ACTC1: variants seen among roughly 807,000 people sequenced by gnomAD.
The protein encoded by ACTC1 is actin alpha cardiac muscle 1.
Under a neutral mutation model 31.6 loss-of-function variants are expected in ACTC1, and 10 were observed. That is an observed-to-expected ratio of 0.32 (90% CI 0.19 to 0.54). The LOEUF (loss-of-function observed/expected upper bound fraction) is 0.54, where lower values mean the gene tolerates loss of function less well. ACTC1 is among the 20% of genes least tolerant of loss of function. The probability of loss-of-function intolerance (pLI) is 0.95; values close to 1 mark genes in which losing one functional copy is unlikely to be tolerated. For missense variants in ACTC1, 129 were observed against 506.4 expected, an observed-to-expected ratio of 0.25 and a Z score of 7.15; for synonymous variants, 196 against 185.0, an observed-to-expected ratio of 1.06 and a Z score of -0.48.
chr15:34,792,861 T>C lies in ACTC1; in HGVS notation c.455-292A>G, dbSNP rs554945478. The C allele has an allele frequency of 1.9e-6, 1 of 516,218 alleles. No individual in the cohort carries two copies. The highest frequency in any genetic ancestry group is 2.1e-5 in the South Asian group (1 of 47,840). The allele number at this position is 516,218 out of a possible 1,614,324, so 32.0% of individuals were successfully genotyped here. ...AGCACATTATGTAAGCACCCAAGGGTGTTTTTCTTTGCTCCTATTGAACTT... is the reference window on the plus strand; with the variant it reads ...AGCACATTATGTAAGCACCCAAGGGCGTTTTTCTTTGCTCCTATTGAACTT... On this transcript the variant is annotated intron_variant, in intron 3 of 6. Transcript: ENST00000290378. This position sits in a 1 kb window ranked among gnomAD's most constrained non-coding sequence, Gnocchi z 5.3.
In ACTC1 at chr15:34,792,569, C is replaced by T. The variant is rs1891726522; in HGVS notation, c.455G>A (p.Gly152Asp). 1 of 1,614,124 alleles carries T rather than the reference C, an allele frequency of 6.2e-7. No homozygotes were observed. Among genetic ancestry groups the T allele is most frequent in the Non-Finnish European group, 8.5e-7 (1 of 1,180,022 alleles). Reference protein sequence around the residue: ...LSLYASGRTTGIVLDSGDGVT... With the variant: ...LSLYASGRTTDIVLDSGDGVT... ...ACCATCCCCAGAGTCCAGAACAATG[C>T]CTGCCCGGGGAAGTAGACAAGAACA... Residue 152 changes from glycine (G) to aspartate (D), a missense_variant and splice_region_variant, in exon 4 of 7, where the codon GGC (glycine) becomes GAC (aspartate). By Grantham distance (94) the Gly-to-Asp change is moderately conservative. Transcript: ENST00000290378. The surrounding 1 kb of genome is among the most constrained non-coding windows in gnomAD (Gnocchi z 5.3).
At chr15:34,794,073 G>A (rs778740260) in intron 2 of ACTC1, among the ~76,000 whole-genome samples, 2 of 152,218 alleles carry the variant, frequency 1.3e-5, no homozygotes, top group Non-Finnish European at 2.9e-5. Context: ...CAGCTCTGAG[G>A]ACTAAGCTCT....
intron 6 of ACTC1, 45 bp from the exon 7 acceptor site, chr15:34,790,600 A>C (rs1025515083): frequency 1.2e-6 from 2 of 1,610,438 alleles, no homozygotes; most frequent in Non-Finnish European, 1.7e-6. Flanking sequence ...TGAAGTTCCA[A>C]GCAAGGGAGC....
At position 34,793,474 on chromosome 15, in the gene ACTC1, A is replaced by G. The variant is rs1441829438; in HGVS notation, c.225T>C (p.His75=). ...GILTLKYPIE[H]GIITNWDDME... ...TGTCGTCCCAGTTGGTGATGATACC[A>G]TGCTCGATGGGATACTTCAGGGTCA... Residue 75 remains histidine, a synonymous_variant, in exon 3 of 7, where the codon CAT becomes CAC. Transcript: ENST00000290378. This position sits in a 1 kb window ranked among gnomAD's most constrained non-coding sequence, Gnocchi z 4.8. 6.2e-7 allele frequency: 1 copy of G among 1,614,106 alleles called. No individual in the cohort carries two copies. The highest frequency in any genetic ancestry group is 8.5e-7 in the Non-Finnish European group (1 of 1,180,022).
rs138752414 is a variant in ACTC1, at chr15:34,793,012, G to A, written c.454+233C>T. The stretch of plus-strand genomic sequence containing the variant: ...GCTGCACTCCAAGCTGCTACACTGC[G>A]CTGAGCTTTAAATGAGGGAAGGACC... On this transcript the variant is annotated intron_variant, in intron 3 of 6. Transcript: ENST00000290378. This position sits in a 1 kb window ranked among gnomAD's most constrained non-coding sequence, Gnocchi z 4.8. Among the ~76,000 whole-genome samples, 112 of 152,234 alleles carry A rather than the reference G, an allele frequency of 7.4e-4. No homozygotes were observed. The highest frequency in any genetic ancestry group is 1.2e-3 in the Non-Finnish European group (85 of 68,022).
At chr15:34,794,611 A>AG in intron 2 of ACTC1, 69 bp downstream of exon 2, 1 of 1,557,622 alleles carries the variant, frequency 6.4e-7, no homozygotes, top group Non-Finnish European at 8.7e-7. Context: ...GGGTCAGGTG[A>AG]GAGCCATTTC....
chr15:34,795,015 G>T (rs559798665), intron 1 of ACTC1, among the ~76,000 whole-genome samples, 185 bp from the exon 2 acceptor site: 1 of 152,326 alleles, frequency 6.6e-6, no homozygotes, highest in Non-Finnish European at 1.5e-5. Context: ...CCGCGGAGGA[G>T]ACTGGGGACA....
In ACTC1 at chr15:34,793,985, C is replaced by T. The variant is rs1049029252; in HGVS notation, c.130-416G>A. On this transcript the variant is annotated intron_variant, in intron 2 of 6. Coordinates refer to ENST00000290378, the MANE Select transcript of ACTC1 (RefSeq NM_005159.5). The surrounding 1 kb of genome is among the most constrained non-coding windows in gnomAD (Gnocchi z 4.8). ...AAAGATTTTGACATTCAAGTGAACA[C>T]ATAATGATGGGCTGATATGCCATCC... Among the ~76,000 whole-genome samples, 1 of 152,210 alleles carries T rather than the reference C, an allele frequency of 6.6e-6. No homozygotes were observed. The highest frequency in any genetic ancestry group is 2.1e-4 in the South Asian group (1 of 4,832).
intron 2 of ACTC1, 102 bp downstream of exon 2, chr15:34,794,578 C>T (rs1233459967): frequency 1.4e-6 from 2 of 1,448,354 alleles, no homozygotes; most frequent in African/African-American, 1.4e-5. Flanking sequence ...CTTAATTTGG[C>T]CTAAAGAGTT....
Position 34,792,564 on chromosome 15 carries a change from C to T in ACTC1, c.460G>A (p.Val154Ile). The T allele has an allele frequency of 6.2e-7, 1 of 1,614,138 alleles. No homozygotes were observed. Among genetic ancestry groups the T allele is most frequent in the Non-Finnish European group, 8.5e-7 (1 of 1,180,010 alleles). Residue 154 changes from valine to isoleucine, a missense_variant, in exon 4 of 7, where the codon GTT becomes ATT. This residue lies in a region of ACTC1 where 37 missense variants were observed against 228.6 expected (regional missense o/e 0.16). Transcript: ENST00000290378. This position sits in a 1 kb window ranked among gnomAD's most constrained non-coding sequence, Gnocchi z 5.3. ...GTTACACCATCCCCAGAGTCCAGAA[C>T]AATGCCTGCCCGGGGAAGTAGACAA... ...LYASGRTTGI[V>I]LDSGDGVTHN...
At position 34,791,192 on chromosome 15, in the gene ACTC1, G is replaced by A; in HGVS notation, c.912C>T (p.Gly304=). 1.9e-6 allele frequency: 3 copies of A among 1,614,046 alleles called. No individual in the cohort carries two copies. In the African/African-American group the frequency reaches 4.0e-5, roughly 22 times the overall value. Residue 304 remains glycine (G), a synonymous_variant, in exon 6 of 7, where the codon GGC becomes GGT. Coordinates refer to ENST00000290378, the MANE Select transcript of ACTC1 (RefSeq NM_005159.5). The stretch of plus-strand genomic sequence containing the variant: ...CAGCAATACCAGGGTACATAGTGGT[G>A]CCTCCAGATAAGACATTGTTGGCAT... ...DLYANNVLSG[G]TTMYPGIADR... is the part of the protein sequence containing the mutation.
chr15:34,793,470 T>C lies in ACTC1; in HGVS notation c.229A>G (p.Ile77Val), dbSNP rs397517056. The C allele has an allele frequency of 2.5e-6, 4 of 1,614,178 alleles. No homozygotes were observed. Among genetic ancestry groups the C allele is most frequent in the Non-Finnish European group, 2.5e-6 (3 of 1,180,024 alleles). The change falls in exon 3 of 7, where the codon ATC becomes GTC. Residue 77 changes from isoleucine to valine, a missense_variant. Transcript: ENST00000290378. The surrounding 1 kb of genome is among the most constrained non-coding windows in gnomAD (Gnocchi z 4.8). ...LTLKYPIEHG[I>V]ITNWDDMEKI... ...TCCATGTCGTCCCAGTTGGTGATGA[T>C]ACCATGCTCGATGGGATACTTCAGG...
In ACTC1 at chr15:34,790,487, G is replaced by A. The variant is rs1891681841; in HGVS notation, c.1059C>T (p.Thr353=). ...GCTTGCTAATCCACATTTGCTGGAA[G>A]GTGGACAGAGAGGCCAGGATGGAGC... The part of the protein sequence containing the change: ...IGGSILASLS[T]FQQMWISKQE... The change falls in exon 7 of 7, where the codon ACC becomes ACT. Residue 353 remains threonine, a synonymous_variant. Transcript: ENST00000290378. 1 of 1,614,150 alleles carries A rather than the reference G, an allele frequency of 6.2e-7. No individual in the cohort carries two copies. Among genetic ancestry groups the A allele is most frequent in the Non-Finnish European group, 8.5e-7 (1 of 1,180,004 alleles).
Position 34,793,234 on chromosome 15 carries a change from G to A in ACTC1, c.454+11C>T, listed in dbSNP as rs1875627892. The A allele has an allele frequency of 6.2e-7, 1 of 1,613,594 alleles. No individual in the cohort carries two copies. The highest frequency in any genetic ancestry group is 8.5e-7 in the Non-Finnish European group (1 of 1,179,660). On this transcript the variant is annotated intron_variant, in intron 3 of 6. Coordinates refer to ENST00000290378, the MANE Select transcript of ACTC1 (RefSeq NM_005159.5). The surrounding 1 kb of genome is among the most constrained non-coding windows in gnomAD (Gnocchi z 4.8). ...TGATTCATCAGTAACTGTCCCCAGA[G>A]CCCAGCATACCTGTGGTACGGCCAG...
chr15:34,793,627 G>T lies in ACTC1; in HGVS notation c.130-58C>A. On this transcript the variant is annotated intron_variant, in intron 2 of 6. Coordinates refer to ENST00000290378, the MANE Select transcript of ACTC1 (RefSeq NM_005159.5). This position sits in a 1 kb window ranked among gnomAD's most constrained non-coding sequence, Gnocchi z 4.8. ...TCACCATGTCAGGAATATAATCAGT[G>T]TCTTGTCCATTTATATCTAACTGCC... 1.3e-6 allele frequency: 2 copies of T among 1,507,024 alleles called. No individual in the cohort carries two copies. The highest frequency in any genetic ancestry group is 1.1e-5 in the South Asian group (1 of 87,290). The allele number at this position is 1,507,024 out of a possible 1,614,324, so 93.4% of individuals were successfully genotyped here.
In ACTC1 at chr15:34,792,308, A is replaced by C. The variant is rs779942233; in HGVS notation, c.617-27T>G. The C allele has an allele frequency of 6.2e-7, 1 of 1,614,176 alleles. No homozygotes were observed. Among genetic ancestry groups the C allele is most frequent in the Admixed American group, 1.7e-5 (1 of 60,022 alleles). On this transcript the variant is annotated intron_variant, in intron 4 of 6. Transcript: ENST00000290378. This position sits in a 1 kb window ranked among gnomAD's most constrained non-coding sequence, Gnocchi z 5.3. ...TACAGAAATAAAGAGTATCACAGTCATGCTCTGAAGCAAGAAGTCAATTAT... is the reference window on the plus strand; with the variant it reads ...TACAGAAATAAAGAGTATCACAGTCCTGCTCTGAAGCAAGAAGTCAATTAT...
rs78697034 is a variant in ACTC1, at chr15:34,792,617, C to G, written c.455-48G>C. On this transcript the variant is annotated intron_variant, in intron 3 of 6. Transcript: ENST00000290378. This position sits in a 1 kb window ranked among gnomAD's most constrained non-coding sequence, Gnocchi z 5.3. ...ACAAGGTAAATTCCTGAGGACAACA[C>G]CACTGCTCTAGCCACGGCAAAGCCC... 9,367 of 1,607,380 alleles carry G rather than the reference C, an allele frequency of 5.8e-3. 427 individuals are homozygous for G. In the African/African-American group the frequency reaches 0.1, roughly 18 times the overall value.
At position 34,793,688 on chromosome 15, in the gene ACTC1, A is replaced by G; in HGVS notation, c.130-119T>C. Reference sequence around the variant, plus strand: ...AACATATTTAAATACCAGAAATAACAAGCAATACGATTTTACCCCAATTTA... The same window carrying G: ...AACATATTTAAATACCAGAAATAACGAGCAATACGATTTTACCCCAATTTA... On this transcript the variant is annotated intron_variant, in intron 2 of 6. Coordinates refer to ENST00000290378, the MANE Select transcript of ACTC1 (RefSeq NM_005159.5). This position sits in a 1 kb window ranked among gnomAD's most constrained non-coding sequence, Gnocchi z 4.8. 4.2e-6 allele frequency: 4 copies of G among 953,892 alleles called. No individual in the cohort carries two copies. Among genetic ancestry groups the G allele is most frequent in the South Asian group, 2.9e-5 (2 of 67,938 alleles). The allele number at this position is 953,892 out of a possible 1,614,324, so 59.1% of individuals were successfully genotyped here. A position where few individuals can be genotyped will look rare whatever the true frequency, so the allele number is the denominator to read the frequency against.
rs1022349632 is a variant in ACTC1 at position 34,791,380 on chromosome 15, G to T, written c.809-85C>A. The T allele has an allele frequency of 6.5e-6, 10 of 1,550,380 alleles. No homozygotes were observed. In the Admixed American group the frequency reaches 8.4e-5, roughly 13 times the overall value. On this transcript the variant is annotated intron_variant, in intron 5 of 6. Transcript: ENST00000290378. Reference sequence around the variant, plus strand: ...CACAGTGCATTCAGGTCAAGGTAGAGGGAAGAGAACAGAACTTCTTTGTGT... The same window carrying T: ...CACAGTGCATTCAGGTCAAGGTAGATGGAAGAGAACAGAACTTCTTTGTGT...
Sources: gnomAD v4.1 joint callset for allele counts (sites outside exome capture counted in the v4.1 genomes callset) on GRCh38, gnomAD v4.1.1 for gene constraint, gnomAD v4.1.1 regional missense constraint, Gnocchi (gnomAD v3.1) non-coding constraint, MANE v1.5 for transcripts, NCBI Gene and HGNC (gene_info 2026-07-23, HGNC 2026-07-21) for gene names.